Variants in DNAI4 observed in about 807,000 individuals in gnomAD.
The protein encoded by DNAI4 is dynein axonemal intermediate chain 4.
DNAI4 carries 85 observed loss-of-function variants against 105.8 expected under a neutral mutation model. The observed-to-expected ratio is 0.80, with a 90% CI of 0.67 to 0.96. DNAI4 has a LOEUF of 0.96. Among genes scored for constraint, DNAI4 ranks in the 40% least tolerant of loss-of-function variants. The pLI, the probability that DNAI4 is intolerant of heterozygous loss-of-function variation, is 0.00. For synonymous variants in DNAI4, 352 were observed against 331.5 expected (o/e 1.06, Z -0.67); for missense variants, 1,014 against 1,005.6 (o/e 1.01, Z -0.11).
chr1:66,833,038 CTTGAG>C (rs957180588), intron 13 of DNAI4, among the ~76,000 whole-genome samples: 11 of 152,034 alleles, frequency 7.2e-5, no homozygotes, highest in African/African-American at 2.7e-4. Context: ...GGGAGAGGCA[CTTGAG>C]TTAAGCACAA....
intron 9 of DNAI4, among the ~76,000 whole-genome samples, chr1:66,839,693 A>G (rs760715584): frequency 1.3e-5 from 2 of 152,192 alleles, no homozygotes; most frequent in African/African-American, 2.4e-5. Flanking sequence ...TTACTCTATA[A>G]TTATCTCTTT....
chr1:66,901,434 T>C (rs536026801), intron 2 of DNAI4, among the ~76,000 whole-genome samples: 15 of 152,230 alleles, frequency 9.9e-5, no homozygotes, highest in Admixed American at 2.6e-4. Context: ...CTGATTTTCC[T>C]TTTAATTTCT....
chr1:66,874,813 G>C lies in DNAI4; in HGVS notation c.768C>G (p.Val256=). 6.2e-7 allele frequency: 1 copy of C among 1,613,554 alleles called. No homozygotes were observed. The highest frequency in any genetic ancestry group is 8.5e-7 in the Non-Finnish European group (1 of 1,179,750). ...TCTCAGCTTCTTCAGATTCTACAGA[G>C]ACCATGACTGTGGGCAAGTCAAAAA... ...LRFFDLPTVM[V]SVESEEAEKV... Residue 256 remains valine (V), a synonymous_variant, in exon 5 of 17, where the codon GTC becomes GTG. Coordinates refer to ENST00000371026, the MANE Select transcript of DNAI4 (RefSeq NM_024763.5).
intron 2 of DNAI4, among the ~76,000 whole-genome samples, chr1:66,895,676 G>A (rs1161154441): frequency 6.6e-6 from 1 of 152,036 alleles, no homozygotes; most frequent in Non-Finnish European, 1.5e-5. Flanking sequence ...GATCACTACT[G>A]TAGGATTTTA....
chr1:66,879,865 C>T (rs568634446), intron 4 of DNAI4, among the ~76,000 whole-genome samples: 1 of 151,970 alleles, frequency 6.6e-6, no homozygotes, highest in African/African-American at 2.4e-5. Flanking sequence ...TCATTTTTCA[C>T]TGGGTTGGTG....
chr1:66,916,139 G>A (rs1030414682), intron 1 of DNAI4, among the ~76,000 whole-genome samples: 1 of 111,198 alleles, frequency 9.0e-6, no homozygotes, highest in Non-Finnish European at 2.0e-5. Flanking sequence ...AAAATAAAAT[G>A]ACTGGTTGTT....
Position 66,890,882 on chromosome 1 carries a change from G to A in DNAI4, c.643+272C>T. 8.4e-6 allele frequency: 4 copies of A among 477,088 alleles called. No individual in the cohort carries two copies. The South Asian group carries it at 8.8e-5, about 11-fold the overall frequency. The allele number at this position is 477,088 out of a possible 1,614,324, so 29.6% of individuals were successfully genotyped here. ...AGAGGAAGAGGAAGAAGAAGAAGAAGAAGCAGAAGCAGCAGCAGCAACAGC... is the reference window on the plus strand; with the variant it reads ...AGAGGAAGAGGAAGAAGAAGAAGAAAAAGCAGAAGCAGCAGCAGCAACAGC... On this transcript the variant is annotated intron_variant, in intron 4 of 16. Coordinates refer to ENST00000371026, the MANE Select transcript of DNAI4 (RefSeq NM_024763.5). This position sits in a 1 kb window ranked among gnomAD's most constrained non-coding sequence, Gnocchi z 4.1.
At chr1:66,814,378 T>G (rs1645469331) in intron 16 of DNAI4, among the ~76,000 whole-genome samples, 198 bp from the exon 17 acceptor site, 1 of 144,058 alleles carries the variant, frequency 6.9e-6, no homozygotes, top group Non-Finnish European at 1.5e-5. Context: ...TGAAAGGCTC[T>G]TTTTTTTTTG....
At chr1:66,878,813 C>T (rs1455776464) in intron 4 of DNAI4, among the ~76,000 whole-genome samples, 1 of 152,146 alleles carries the variant, frequency 6.6e-6, no homozygotes, top group Non-Finnish European at 1.5e-5. Flanking sequence ...GAATTATTAA[C>T]CAATACCCCC....
rs1231639530 is a variant in DNAI4, at chr1:66,890,729, G to GAGGAAGAGGGGGAGA, written c.643+410_643+424dup. 4.5e-6 allele frequency: 1 copy of GAGGAAGAGGGGGAGA among 223,676 alleles called. No individual in the cohort carries two copies. Among genetic ancestry groups the GAGGAAGAGGGGGAGA allele is most frequent in the Non-Finnish European group, 8.7e-6 (1 of 114,888 alleles). The allele number at this position is 223,676 out of a possible 1,614,324, so 13.9% of individuals were successfully genotyped here. A position where few individuals can be genotyped will look rare whatever the true frequency, so the allele number is the denominator to read the frequency against. On this transcript the variant is annotated intron_variant, in intron 4 of 16. Coordinates refer to ENST00000371026, the MANE Select transcript of DNAI4 (RefSeq NM_024763.5). The surrounding 1 kb of genome is among the most constrained non-coding windows in gnomAD (Gnocchi z 4.1). ...AGAGGAGGGGGAGGAGGAGGAGGGAGAGGAAGAGGGGGAGAAGGAAGAGGA... is the reference window on the plus strand; with the variant it reads ...AGAGGAGGGGGAGGAGGAGGAGGGAGAGGAAGAGGGGGAGAAGGAAGAGGGGGAGAAGGAAGAGGA...
intron 1 of DNAI4, among the ~76,000 whole-genome samples, chr1:66,910,145 C>T (rs925228888): frequency 6.6e-6 from 1 of 152,058 alleles, no homozygotes; most frequent in Non-Finnish European, 1.5e-5. Context: ...GTCTGGAGTT[C>T]AAGGTTACAG....
chr1:66,892,973 G>A (rs1557964459), intron 3 of DNAI4, among the ~76,000 whole-genome samples: 5 of 128,400 alleles, frequency 3.9e-5, no homozygotes, highest in African/African-American at 1.6e-4. Context: ...AAGAAAGAAA[G>A]AAAGAAAGAA....
intron 2 of DNAI4, among the ~76,000 whole-genome samples, chr1:66,894,971 C>T (rs1374935608): frequency 6.6e-6 from 1 of 151,980 alleles, no homozygotes; most frequent in Admixed American, 6.6e-5. Flanking sequence ...ATTAAAATTG[C>T]AAAGAATCTA....
intron 8 of DNAI4, among the ~76,000 whole-genome samples, chr1:66,842,559 T>G (rs1346037674): frequency 6.6e-6 from 1 of 152,034 alleles, no homozygotes; most frequent in East Asian, 1.9e-4. Context: ...CTCGGCTAAA[T>G]TTTTTGTATT....
chr1:66,833,661 C>T lies in DNAI4; in HGVS notation c.1937G>A (p.Gly646Glu). The change falls in exon 13 of 17, where the codon GGA becomes GAA. Residue 646 changes from glycine to glutamate, a missense_variant. By Grantham distance (98) the Gly-to-Glu change is moderately conservative. Coordinates refer to ENST00000371026, the MANE Select transcript of DNAI4 (RefSeq NM_024763.5). Reference sequence around the variant, plus strand: ...TTCATCTTTCTTTTCCTTTTCCCCTCCTTTTTTGTTACTGGCAGCTGTAGT... The same window carrying T: ...TTCATCTTTCTTTTCCTTTTCCCCTTCTTTTTTGTTACTGGCAGCTGTAGT... ...KRTTAASNKKGGEKEKKDEAL... is the reference protein window; with the variant it reads ...KRTTAASNKKEGEKEKKDEAL... 1 of 1,613,400 alleles carries T rather than the reference C, an allele frequency of 6.2e-7. No individual in the cohort carries two copies. The highest frequency in any genetic ancestry group is 8.5e-7 in the Non-Finnish European group (1 of 1,179,600).
chr1:66,899,238 G>A (rs1181546166), intron 2 of DNAI4, among the ~76,000 whole-genome samples: 1 of 152,258 alleles, frequency 6.6e-6, no homozygotes, highest in East Asian at 1.9e-4. Flanking sequence ...TGAGGGTTCT[G>A]CTTTCTTTAC....
chr1:66,822,275 G>A (rs537560216), intron 16 of DNAI4, 86 bp downstream of exon 16: 15 of 1,227,248 alleles, frequency 1.2e-5, no homozygotes, highest in East Asian at 2.5e-5. Flanking sequence ...CTAAGATATT[G>A]AGAAATGTAA....
chr1:66,834,433 C>A (rs1319711331), intron 11 of DNAI4, among the ~76,000 whole-genome samples: 1 of 152,010 alleles, frequency 6.6e-6, no homozygotes, highest in African/African-American at 2.4e-5. Context: ...CAAAAATGTT[C>A]TTTCTTTTCA....
intron 12 of DNAI4, 42 bp from the exon 13 acceptor site, chr1:66,833,748 AT>A (rs775605363): frequency 6.3e-7 from 1 of 1,596,156 alleles, no homozygotes; most frequent in Admixed American, 1.8e-5. Flanking sequence ...TATTTACCAC[AT>A]GAAAGAGTAC....
Sources: allele counts gnomAD v4.1 joint callset (sites outside exome capture counted in the v4.1 genomes callset), GRCh38; gene constraint gnomAD v4.1.1; non-coding constraint Gnocchi (gnomAD v3.1); transcripts MANE v1.5; gene names NCBI Gene and HGNC (gene_info 2026-07-23, HGNC 2026-07-21).